Variants in CTDP1 observed in about 807,000 individuals in gnomAD.
The protein encoded by CTDP1 is RNA polymerase II subunit A C-terminal domain phosphatase.
CTDP1 carries 47 observed loss-of-function variants against 91.8 expected under a neutral mutation model. The ratio of observed to expected loss-of-function variants is 0.51; its 90% CI spans 0.41 to 0.65. The LOEUF (loss-of-function observed/expected upper bound fraction) is 0.65. Ranked by LOEUF, CTDP1 falls within the 30% of genes least tolerant of loss-of-function variation. The probability of loss-of-function intolerance (pLI) is 0.00; values close to 1 mark genes in which losing one functional copy is unlikely to be tolerated. For synonymous variants in CTDP1, 656 were observed against 598.5 expected (o/e 1.10, Z -1.40); for missense variants, 1,272 against 1,373.7 (o/e 0.93, Z 1.17).
chr18:79,694,209 C>CCG (rs1568178040), intron 1 of CTDP1, among the ~76,000 whole-genome samples: 1,836 of 146,124 alleles, frequency 0.013, 57 homozygotes, highest in African/African-American at 0.045. Context: ...GGCCTCATGT[C>CCG]TGCAGGGCAG....
Position 79,713,435 on chromosome 18 carries a change from T to C in CTDP1, c.1030+297T>C, listed in dbSNP as rs2086122356. On this transcript the variant is annotated intron_variant, in intron 7 of 12. Coordinates refer to ENST00000613122, the MANE Select transcript of CTDP1 (RefSeq NM_004715.5). This position sits in a 1 kb window ranked among gnomAD's most constrained non-coding sequence, Gnocchi z 4.7. The stretch of plus-strand genomic sequence containing the variant: ...TAACTCCCTTCATCCCAGTTTTCCT[T>C]AAACACATCCCTGGGTATTGGGCCA... Among the ~76,000 whole-genome samples, 1 of 152,200 alleles carries C rather than the reference T, an allele frequency of 6.6e-6. No homozygotes were observed. Among genetic ancestry groups the C allele is most frequent in the Admixed American group, 6.5e-5 (1 of 15,278 alleles).
At chr18:79,698,046 G>C in intron 4 of CTDP1, 58 bp downstream of exon 4, 1 of 1,604,532 alleles carries the variant, frequency 6.2e-7, no homozygotes, top group African/African-American at 1.3e-5. Context: ...CTAGAATTTT[G>C]ATTCAGAAGT....
chr18:79,680,654 G>A (rs1324643899), intron 1 of CTDP1, among the ~76,000 whole-genome samples: 1 of 152,206 alleles, frequency 6.6e-6, no homozygotes, highest in African/African-American at 2.4e-5. Flanking sequence ...TAAACTGTTG[G>A]GTGTGTGCAC....
At chr18:79,704,514 G>T (rs986457163) in intron 4 of CTDP1, among the ~76,000 whole-genome samples, 1 of 151,870 alleles carries the variant, frequency 6.6e-6, no homozygotes, top group East Asian at 1.9e-4. Flanking sequence ...CCTCTGTCCC[G>T]TGTGGAGGGG....
chr18:79,711,219 C>T (rs143572062), intron 6 of CTDP1, among the ~76,000 whole-genome samples: 98 of 152,318 alleles, frequency 6.4e-4, no homozygotes, highest in African/African-American at 2.4e-3. Flanking sequence ...CGCCACCTGA[C>T]GTTGTGTATC....
At position 79,754,236 on chromosome 18, in the gene CTDP1, C is replaced by T; in HGVS notation, c.*446C>T. On this transcript the variant is annotated 3_prime_UTR_variant, in exon 13 of 13. Transcript: ENST00000613122. ...ACAGACATGCCTGGAACCCCCGCCG[C>T]CTGCTGCTCCCTCCTAGGGAACCCA... 1 of 241,770 alleles carries T rather than the reference C, an allele frequency of 4.1e-6. No homozygotes were observed. The highest frequency in any genetic ancestry group is 5.1e-5 in the South Asian group (1 of 19,708). 15.0% of individuals were successfully genotyped at this position (241,770 alleles called of 1,614,324 possible).
chr18:79,729,469 G>A (rs998652882), intron 11 of CTDP1, among the ~76,000 whole-genome samples: 6 of 152,204 alleles, frequency 3.9e-5, no homozygotes, highest in Admixed American at 6.5e-5. Flanking sequence ...GCCTGACGCC[G>A]ACCGGCCCCC....
chr18:79,753,564 G>A (rs1008765152), intron 12 of CTDP1, 88 bp from the exon 13 acceptor site: 29 of 1,603,072 alleles, frequency 1.8e-5, no homozygotes, highest in Middle Eastern at 3.3e-4. Context: ...TTAAAACCAC[G>A]GAAGCCACTT....
chr18:79,713,893 C>T lies in CTDP1; in HGVS notation c.1031-598C>T, dbSNP rs529060060. The stretch of plus-strand genomic sequence containing the variant: ...CCAGGTCTGCAGGGGCTTACGGCCA[C>T]GGTGGCGCCAGGTCTGCAGGGGCTT... On this transcript the variant is annotated intron_variant, in intron 7 of 12. Coordinates refer to ENST00000613122, the MANE Select transcript of CTDP1 (RefSeq NM_004715.5). This position sits in a 1 kb window ranked among gnomAD's most constrained non-coding sequence, Gnocchi z 4.7. Among the ~76,000 whole-genome samples the T allele has an allele frequency of 5.5e-3, 825 of 149,486 alleles. 6 individuals carry two copies. Among genetic ancestry groups the T allele is most frequent in the African/African-American group, 0.019 (779 of 40,454 alleles).
In CTDP1 at chr18:79,717,750, G is replaced by A. The variant is rs568379614; in HGVS notation, c.2211-60G>A. The A allele has an allele frequency of 2.5e-6, 4 of 1,613,734 alleles. No individual in the cohort carries two copies. The East Asian group carries it at 8.9e-5, about 36-fold the overall frequency. On this transcript the variant is annotated intron_variant, in intron 9 of 12. Coordinates refer to ENST00000613122, the MANE Select transcript of CTDP1 (RefSeq NM_004715.5). ...GGACAGCTGTTGGTTCATGCACCTGGGCAGTGCCCCTCATCACCCGGACGC... is the reference window on the plus strand; with the variant it reads ...GGACAGCTGTTGGTTCATGCACCTGAGCAGTGCCCCTCATCACCCGGACGC...
Position 79,714,652 on chromosome 18 carries a change from C to A in CTDP1, c.1192C>A (p.Pro398Thr). ...CGCCACCCCGCGGGACTCACCCCGC[C>A]CCGGGAAGCCAGACGAGAGGGACAT... ...EAATPRDSPR[P>T]GKPDERDIWP... The change falls in exon 8 of 13, where the codon CCC (proline) becomes ACC (threonine). Residue 398 changes from proline (P) to threonine (T), a missense_variant. Physicochemically the swap from Pro to Thr is conservative, Grantham distance 38 (BLOSUM62 -1). This residue lies in a region of CTDP1 where 881 missense variants were observed against 911.6 expected (regional missense o/e 0.97). Transcript: ENST00000613122. 1 of 1,612,160 alleles carries A rather than the reference C, an allele frequency of 6.2e-7. No homozygotes were observed. Among genetic ancestry groups the A allele is most frequent in the Non-Finnish European group, 8.5e-7 (1 of 1,179,640 alleles).
intron 6 of CTDP1, among the ~76,000 whole-genome samples, chr18:79,711,577 C>T (rs1297833127): frequency 6.6e-6 from 1 of 152,182 alleles, no homozygotes; most frequent in Non-Finnish European, 1.5e-5. Context: ...TCTGCGGGGC[C>T]ACTGGTTTAG....
chr18:79,732,047 T>C lies in CTDP1; in HGVS notation c.2580+2978T>C, dbSNP rs112395356. On this transcript the variant is annotated intron_variant, in intron 11 of 12. Coordinates refer to ENST00000613122, the MANE Select transcript of CTDP1 (RefSeq NM_004715.5). Reference sequence around the variant, plus strand: ...CATCAGGAGTGCTCCCAAAATCACATAGACATGAGAACTCGCTAACATCAG... The same window carrying C: ...CATCAGGAGTGCTCCCAAAATCACACAGACATGAGAACTCGCTAACATCAG... Among the ~76,000 whole-genome samples the C allele has an allele frequency of 3.3e-3, 481 of 144,666 alleles. 3 individuals carry two copies. The highest frequency in any genetic ancestry group is 0.012 in the African/African-American group (457 of 37,736). The allele number at this position is 144,666 out of a possible 152,430, so 94.9% of individuals were successfully genotyped here. A position where few individuals can be genotyped will look rare whatever the true frequency, so the allele number is the denominator to read the frequency against.
chr18:79,750,703 G>A (rs1222752295), intron 12 of CTDP1, among the ~76,000 whole-genome samples: 1 of 146,624 alleles, frequency 6.8e-6, no homozygotes, highest in Non-Finnish European at 1.5e-5. Context: ...ATGTGGAGAT[G>A]GGGTTTCACC....
intron 1 of CTDP1, 57 bp from the exon 2 acceptor site, chr18:79,695,168 G>C: frequency 6.7e-7 from 1 of 1,486,952 alleles, no homozygotes; most frequent in Admixed American, 1.7e-5. Context: ...TTACTTGGGG[G>C]CTCTTTTGAT....
At chr18:79,714,341 T>G in intron 7 of CTDP1, 150 bp from the exon 8 acceptor site, 1 of 846,238 alleles carries the variant, frequency 1.2e-6, no homozygotes, top group East Asian at 2.7e-5. Flanking sequence ...GTGCTCACCC[T>G]GTCCGGCCTC....
chr18:79,685,977 G>A (rs1411174294), intron 1 of CTDP1, among the ~76,000 whole-genome samples: 1 of 152,104 alleles, frequency 6.6e-6, no homozygotes, highest in East Asian at 1.9e-4. Flanking sequence ...AAATTTGGGG[G>A]GCTGTCACTT....
At chr18:79,684,409 A>C (rs79888394) in intron 1 of CTDP1, among the ~76,000 whole-genome samples, 9,485 of 152,278 alleles carry the variant, frequency 0.062, 419 homozygotes, top group South Asian at 0.16. Flanking sequence ...CTGCGGAGAG[A>C]GGTAATGGAA....
downstream of CTDP1, chr18:79,755,143 C>T (rs1275897299): frequency 6.6e-6 from 1 of 152,158 alleles, no homozygotes; most frequent in Non-Finnish European, 1.5e-5. Flanking sequence ...ACCCCAGGGT[C>T]CTGGTGCTGC....
Sources: gnomAD v4.1 joint callset for allele counts (sites outside exome capture counted in the v4.1 genomes callset) on GRCh38, gnomAD v4.1.1 for gene constraint, gnomAD v4.1.1 regional missense constraint, Gnocchi (gnomAD v3.1) non-coding constraint, MANE v1.5 for transcripts, NCBI Gene and HGNC (gene_info 2026-07-23, HGNC 2026-07-21) for gene names.